Variants in PTPRD observed in about 807,000 individuals in gnomAD.
The protein encoded by PTPRD is receptor-type tyrosine-protein phosphatase delta.
In PTPRD, 34 loss-of-function variants were observed where a neutral mutation model predicts 214.5. The observed-to-expected ratio is 0.16, with a 90% CI of 0.12 to 0.21. The LOEUF is 0.21. PTPRD is among the 10% of genes least tolerant of loss of function. PTPRD has a pLI of 1.00. For missense variants in PTPRD, 2,545 were observed against 2,398.7 expected (o/e 1.06, Z -1.27); for synonymous variants, 1,128 against 845.7 (o/e 1.33, Z -5.79).
At chr9:8,920,623 G>T (rs1025625053) in intron 11 of PTPRD, among the ~76,000 whole-genome samples, 6 of 152,126 alleles carry the variant, frequency 3.9e-5, no homozygotes, top group African/African-American at 1.4e-4. Context: ...AATGTTTTAA[G>T]AAAGTTTACA....
intron 3 of PTPRD, among the ~76,000 whole-genome samples, chr9:10,077,477 G>A (rs10958874): frequency 0.22 from 33,743 of 152,018 alleles, 3,997 homozygotes; most frequent in South Asian, 0.31. Context: ...TTTAAACACT[G>A]TGTTTGGAGT....
chr9:9,069,878 T>C (rs1352848531), intron 10 of PTPRD, among the ~76,000 whole-genome samples: 1 of 152,210 alleles, frequency 6.6e-6, no homozygotes, highest in East Asian at 1.9e-4. Context: ...AGCTATTGTG[T>C]AATGTTAGCT....
intron 3 of PTPRD, among the ~76,000 whole-genome samples, chr9:10,290,056 C>T (rs880634): frequency 0.31 from 47,274 of 151,938 alleles, 8,940 homozygotes; most frequent in African/African-American, 0.53. Context: ...GAAAATCTGA[C>T]AGGATGACCA....
chr9:9,010,420 T>A (rs1376584383), intron 11 of PTPRD, among the ~76,000 whole-genome samples: 1 of 152,170 alleles, frequency 6.6e-6, no homozygotes, highest in Non-Finnish European at 1.5e-5. Context: ...AGTTCAACAT[T>A]TATTGACTGC....
rs967241711 is a variant in PTPRD, at chr9:8,316,785, C to T, written c.*1089G>A. 1 of 230,942 alleles carries T rather than the reference C, an allele frequency of 4.3e-6. No individual in the cohort carries two copies. The highest frequency in any genetic ancestry group is 2.2e-5 in the African/African-American group (1 of 44,882). 14.3% of individuals were successfully genotyped at this position (230,942 alleles called of 1,614,324 possible). ...TGACAATCAATCACTGATGTGCATT[C>T]CTCATTTCCCTTTAAAGAAATACCA... On this transcript the variant is annotated 3_prime_UTR_variant, in exon 46 of 46. Transcript: ENST00000381196.
intron 12 of PTPRD, among the ~76,000 whole-genome samples, chr9:8,722,852 G>A (rs1261015514): frequency 6.6e-6 from 1 of 152,192 alleles, no homozygotes; most frequent in Non-Finnish European, 1.5e-5. Flanking sequence ...GCAGACATTT[G>A]TGCTTTTATT....
chr9:8,934,121 G>C (rs1413394782), intron 11 of PTPRD, among the ~76,000 whole-genome samples: 5 of 151,786 alleles, frequency 3.3e-5, no homozygotes, highest in Middle Eastern at 3.4e-3. Flanking sequence ...GGCTAATGCT[G>C]AACTGATAAG....
In PTPRD at chr9:10,250,457, A is replaced by G. The variant is rs1332905708; in HGVS notation, c.-545+90506T>C. Reference sequence around the variant, plus strand: ...CCTAGAAAGTCTTTATAAAGCTTAGATTAACATCAGATCAAATTTGGACTC... The same window carrying G: ...CCTAGAAAGTCTTTATAAAGCTTAGGTTAACATCAGATCAAATTTGGACTC... On this transcript the variant is annotated intron_variant, in intron 3 of 45. Transcript: ENST00000381196. Among the ~76,000 whole-genome samples, 2 of 152,136 alleles carry G rather than the reference A, an allele frequency of 1.3e-5. 1 individual carries two copies. Among genetic ancestry groups the G allele is most frequent in the Admixed American group, 1.3e-4 (2 of 15,278 alleles).
At chr9:9,317,608 C>T (rs2135807556) in intron 9 of PTPRD, among the ~76,000 whole-genome samples, 1 of 152,186 alleles carries the variant, frequency 6.6e-6, no homozygotes. Flanking sequence ...CCAGTCCTGA[C>T]TCTCTAGAGC....
intron 3 of PTPRD, among the ~76,000 whole-genome samples, chr9:10,184,772 A>T (rs1199769242): frequency 2.6e-5 from 4 of 152,192 alleles, no homozygotes; most frequent in Non-Finnish European, 4.4e-5. Flanking sequence ...AGTCAGTCAA[A>T]GTGATAAATG....
At chr9:9,720,229 T>A (rs1747614732) in intron 7 of PTPRD, among the ~76,000 whole-genome samples, 1 of 152,228 alleles carries the variant, frequency 6.6e-6, no homozygotes, top group East Asian at 1.9e-4. Flanking sequence ...CCAAAGTAGA[T>A]CTTCATAATT....
chr9:10,373,705 T>C (rs1438436671), intron 2 of PTPRD, among the ~76,000 whole-genome samples: 2 of 152,096 alleles, frequency 1.3e-5, no homozygotes, highest in African/African-American at 2.4e-5. Context: ...CCAATATCTG[T>C]TCTTCTTACC....
intron 8 of PTPRD, among the ~76,000 whole-genome samples, chr9:9,488,157 C>A (rs2095737881): frequency 6.6e-6 from 1 of 152,050 alleles, no homozygotes; most frequent in African/African-American, 2.4e-5. Flanking sequence ...GAATATTTTT[C>A]TCCCAGTGTC....
At chr9:10,041,966 A>G (rs2097303636) in intron 3 of PTPRD, among the ~76,000 whole-genome samples, 1 of 152,040 alleles carries the variant, frequency 6.6e-6, no homozygotes, top group African/African-American at 2.4e-5. Context: ...ATGTATTCCT[A>G]GCTGAAGTAA....
chr9:10,421,638 A>G (rs1189248452), intron 2 of PTPRD, among the ~76,000 whole-genome samples: 1 of 151,896 alleles, frequency 6.6e-6, no homozygotes, highest in Non-Finnish European at 1.5e-5. Flanking sequence ...ACCATATATC[A>G]AAAAGGTATC....
chr9:9,222,294 G>A (rs568340264), intron 9 of PTPRD, among the ~76,000 whole-genome samples: 1 of 152,084 alleles, frequency 6.6e-6, no homozygotes, highest in African/African-American at 2.4e-5. Flanking sequence ...TTGGTTAATT[G>A]TACCATTAGC....
chr9:8,600,543 G>C (rs1048312680), intron 14 of PTPRD, among the ~76,000 whole-genome samples: 1 of 151,638 alleles, frequency 6.6e-6, no homozygotes, highest in Non-Finnish European at 1.5e-5. Context: ...AGAGTAAAGA[G>C]GACTCTGTCT....
At chr9:9,880,915 T>C (rs2068474834) in intron 5 of PTPRD, among the ~76,000 whole-genome samples, 1 of 152,170 alleles carries the variant, frequency 6.6e-6, no homozygotes, top group Non-Finnish European at 1.5e-5. Context: ...ATTACATATT[T>C]GTATGTGTTC....
chr9:9,948,251 A>C (rs1009252025), intron 4 of PTPRD, among the ~76,000 whole-genome samples: 1 of 152,044 alleles, frequency 6.6e-6, no homozygotes, highest in Admixed American at 6.6e-5. Flanking sequence ...TATGAACTGC[A>C]CTGCCATTCT....
Sources: gnomAD v4.1 joint callset for allele counts (sites outside exome capture counted in the v4.1 genomes callset) on GRCh38, gnomAD v4.1.1 for gene constraint, MANE v1.5 for transcripts, NCBI Gene and HGNC (gene_info 2026-07-23, HGNC 2026-07-21) for gene names.